PPM1H: variants seen among roughly 807,000 people sequenced by gnomAD.
PPM1H encodes the protein protein phosphatase 1H.
A neutral mutation model predicts 54.9 loss-of-function variants in PPM1H; 27 were observed. The ratio of observed to expected loss-of-function variants is 0.49; its 90% CI spans 0.36 to 0.68. The LOEUF (loss-of-function observed/expected upper bound fraction) is 0.68. PPM1H is among the 30% of genes least tolerant of loss of function. PPM1H has a pLI of 0.00. For synonymous variants in PPM1H, 305 were observed against 270.8 expected (o/e 1.13, Z -1.24); for missense variants, 596 against 667.8 (o/e 0.89, Z 1.19).
chr12:62,770,256 C>T (rs1343606555), intron 4 of PPM1H, among the ~76,000 whole-genome samples: 1 of 152,090 alleles, frequency 6.6e-6, no homozygotes, highest in African/African-American at 2.4e-5. Flanking sequence ...CACTTTGAAT[C>T]ATTTAATCCT....
At chr12:62,906,477 T>C (rs1871305258) in intron 1 of PPM1H, among the ~76,000 whole-genome samples, 1 of 152,238 alleles carries the variant, frequency 6.6e-6, no homozygotes, top group Non-Finnish European at 1.5e-5. Flanking sequence ...ATTTCAGAAA[T>C]TAATTTTCAA....
intron 1 of PPM1H, among the ~76,000 whole-genome samples, chr12:62,913,741 T>C (rs763267540): frequency 6.6e-6 from 1 of 152,136 alleles, no homozygotes; most frequent in Non-Finnish European, 1.5e-5. Flanking sequence ...CACTCAGTTG[T>C]CCAGGCTGGC....
intron 1 of PPM1H, among the ~76,000 whole-genome samples, chr12:62,896,434 G>A (rs1870990859): frequency 2.0e-5 from 3 of 152,250 alleles, no homozygotes; most frequent in South Asian, 4.1e-4. Context: ...CAAAAAGTGG[G>A]CGAAGGACAT....
At position 62,934,918 on chromosome 12, in the gene PPM1H, T is replaced by C; in HGVS notation, c.-182A>G. ...GGGGCCGAGCCCCGGCCTCTCGTGC[T>C]TAGTGCCGCGGTGGCCGCCGCCTCC... On this transcript the variant is annotated 5_prime_UTR_variant, in exon 1 of 10. Coordinates refer to ENST00000228705, the MANE Select transcript of PPM1H (RefSeq NM_020700.2). The surrounding 1 kb of genome is among the most constrained non-coding windows in gnomAD (Gnocchi z 4.2). 2.3e-6 allele frequency: 1 copy of C among 434,902 alleles called. No individual in the cohort carries two copies. Among genetic ancestry groups the C allele is most frequent in the Non-Finnish European group, 3.5e-6 (1 of 283,200 alleles). The allele number at this position is 434,902 out of a possible 1,614,324, so 26.9% of individuals were successfully genotyped here. A position where few individuals can be genotyped will look rare whatever the true frequency, so the allele number is the denominator to read the frequency against.
intron 6 of PPM1H, among the ~76,000 whole-genome samples, chr12:62,700,736 T>C (rs1417811754): frequency 6.6e-6 from 1 of 152,192 alleles, no homozygotes; most frequent in Non-Finnish European, 1.5e-5. Context: ...AAAACTGTTC[T>C]GATTTTCCCT....
chr12:62,656,579 G>A (rs1007439176), intron 9 of PPM1H, among the ~76,000 whole-genome samples: 3 of 152,174 alleles, frequency 2.0e-5, no homozygotes, highest in African/African-American at 7.2e-5. Flanking sequence ...AATAGTTCTT[G>A]TTGGGTGGGA....
intron 1 of PPM1H, among the ~76,000 whole-genome samples, chr12:62,859,863 ACTT>A (rs1276947451): frequency 1.3e-5 from 2 of 152,174 alleles, no homozygotes; most frequent in Admixed American, 1.3e-4. Context: ...CTTCTCTTTC[ACTT>A]CTTAAGAGAC....
chr12:62,901,232 C>T (rs956659744), intron 1 of PPM1H, among the ~76,000 whole-genome samples: 1 of 152,210 alleles, frequency 6.6e-6, no homozygotes, highest in African/African-American at 2.4e-5. Context: ...GGGCAACAGC[C>T]AATCACTTTT....
At chr12:62,779,593 C>T (rs952881458) in intron 4 of PPM1H, among the ~76,000 whole-genome samples, 12 of 152,236 alleles carry the variant, frequency 7.9e-5, no homozygotes, top group Non-Finnish European at 1.5e-5. Context: ...CTAATCCTCA[C>T]CTGAGGAGTG....
At chr12:62,824,757 G>A (rs1868269742) in intron 2 of PPM1H, among the ~76,000 whole-genome samples, 1 of 151,978 alleles carries the variant, frequency 6.6e-6, no homozygotes, top group Admixed American at 6.6e-5. Context: ...AATTGAAGAT[G>A]GATTAAAGAC....
intron 1 of PPM1H, among the ~76,000 whole-genome samples, chr12:62,863,266 C>A (rs1869665587): frequency 6.6e-6 from 1 of 152,088 alleles, no homozygotes; most frequent in Non-Finnish European, 1.5e-5. Context: ...TGGGCTCAAG[C>A]AATCCCCCTG....
At chr12:62,720,131 A>G in intron 6 of PPM1H, 40 bp downstream of exon 6, 1 of 1,494,708 alleles carries the variant, frequency 6.7e-7, no homozygotes. Context: ...TCCTTCACAC[A>G]CACTGTGTGG....
chr12:62,804,676 CTT>C (rs759291510), intron 2 of PPM1H, among the ~76,000 whole-genome samples: 6 of 116,184 alleles, frequency 5.2e-5, no homozygotes, highest in Non-Finnish European at 5.4e-5. Flanking sequence ...CTTTTTTTTT[CTT>C]TTTTTTTTTT....
At chr12:62,744,951 G>A (rs554213962) in intron 4 of PPM1H, among the ~76,000 whole-genome samples, 16 of 152,298 alleles carry the variant, frequency 1.1e-4, no homozygotes, top group African/African-American at 3.4e-4. Context: ...TCCTGCCAGC[G>A]CTGCATGTCA....
chr12:62,717,294 G>A (rs563065610), intron 6 of PPM1H, among the ~76,000 whole-genome samples: 4 of 152,216 alleles, frequency 2.6e-5, no homozygotes, highest in Non-Finnish European at 4.4e-5. Context: ...GCCAACAGCC[G>A]TTTGGGGAAT....
At chr12:62,842,317 GAGAAATTTTTTTAAACA>G (rs1408986077) in intron 1 of PPM1H, among the ~76,000 whole-genome samples, 4 of 150,846 alleles carry the variant, frequency 2.7e-5, no homozygotes, top group African/African-American at 9.9e-5. Flanking sequence ...TCGGCAATGT[GAGAAATTTTTTTAAACA>G]AAAAATTTTT....
At chr12:62,847,064 G>GTGAC (rs1868999798) in intron 1 of PPM1H, among the ~76,000 whole-genome samples, 1 of 152,134 alleles carries the variant, frequency 6.6e-6, no homozygotes, top group African/African-American at 2.4e-5. Flanking sequence ...ATGGCCAGAG[G>GTGAC]TGACTGGTTT....
intron 1 of PPM1H, among the ~76,000 whole-genome samples, chr12:62,858,308 T>C (rs994075386): frequency 6.6e-6 from 1 of 152,136 alleles, no homozygotes; most frequent in Non-Finnish European, 1.5e-5. Flanking sequence ...GGGGTACAAA[T>C]AATTATATTA....
intron 4 of PPM1H, among the ~76,000 whole-genome samples, chr12:62,784,723 G>C (rs2076660659): frequency 6.6e-6 from 1 of 152,082 alleles, no homozygotes. Flanking sequence ...ACTTAGCTGT[G>C]GTTTCTTGGG....
Sources: allele counts gnomAD v4.1 joint callset (sites outside exome capture counted in the v4.1 genomes callset), GRCh38; gene constraint gnomAD v4.1.1; non-coding constraint Gnocchi (gnomAD v3.1); transcripts MANE v1.5; gene names NCBI Gene and HGNC (gene_info 2026-07-23, HGNC 2026-07-21).